Variants in PDCL observed in about 807,000 individuals in gnomAD.
PDCL encodes the protein phosducin like, also known as phosducin-like protein.
A neutral mutation model predicts 26.7 loss-of-function variants in PDCL; 11 were observed. The ratio of observed to expected loss-of-function variants is 0.41; its 90% CI spans 0.26 to 0.68. The LOEUF is 0.68. Ranked by LOEUF, PDCL falls within the 30% of genes least tolerant of loss-of-function variation. The probability of loss-of-function intolerance (pLI) is 0.30; values close to 1 mark genes in which losing one functional copy is unlikely to be tolerated. For synonymous variants in PDCL, 118 were observed against 134.9 expected, an observed-to-expected ratio of 0.87 and a Z score of 0.87; for missense variants, 330 against 371.6, an observed-to-expected ratio of 0.89 and a Z score of 0.92.
In PDCL at chr9:122,820,574, C is replaced by G. The variant is rs375611102; in HGVS notation, c.417G>C (p.Gln139His). 1 of 1,614,024 alleles carries G rather than the reference C, an allele frequency of 6.2e-7. No homozygotes were observed. The highest frequency in any genetic ancestry group is 8.5e-7 in the Non-Finnish European group (1 of 1,179,982). The change falls in exon 4 of 4, where the codon CAG becomes CAC. Residue 139 changes from glutamine (Q) to histidine (H), a missense_variant. By Grantham distance (24) the Gln-to-His change is conservative. Transcript: ENST00000259467. ...EDQDDEEFLQ[Q>H]YRKQRMEEMR... ...TCTCTTCCATTCGCTGCTTCCGGTA[C>G]TGCTGCAGAAACTCTTCATCATCTT...
intron 2 of PDCL, among the ~76,000 whole-genome samples, chr9:122,823,474 C>T (rs1829581206): frequency 6.6e-6 from 1 of 152,188 alleles, no homozygotes; most frequent in Non-Finnish European, 1.5e-5. Context: ...TAGAGTAAAG[C>T]AGCTCTGTGT....
rs1313958825 is a variant in PDCL, at chr9:122,818,592, CTGTT to C, written c.*1489_*1492del. On this transcript the variant is annotated 3_prime_UTR_variant, in exon 4 of 4. Transcript: ENST00000259467. The stretch of plus-strand genomic sequence containing the variant: ...TAGTCAAAAAAAAAAAAAATGCACT[CTGTT>C]TGTTGACTAAATACTTTCAAGACTC... The C allele has an allele frequency of 6.6e-6, 1 of 151,288 alleles. No homozygotes were observed. Among genetic ancestry groups the C allele is most frequent in the East Asian group, 1.9e-4 (1 of 5,170 alleles). 9.4% of individuals were successfully genotyped at this position (151,288 alleles called of 1,614,324 possible).
chr9:122,825,256 G>A (rs962924351), intron 2 of PDCL, among the ~76,000 whole-genome samples: 2 of 151,956 alleles, frequency 1.3e-5, no homozygotes, highest in Admixed American at 6.6e-5. Context: ...CTGCCTCCGG[G>A]GTTCAAGCAA....
chr9:122,820,717 C>T lies in PDCL; in HGVS notation c.355-81G>A, dbSNP rs1367212355. 15 of 1,185,554 alleles carry T rather than the reference C, an allele frequency of 1.3e-5. No individual in the cohort carries two copies. The East Asian group carries it at 3.0e-4, about 24-fold the overall frequency. The allele number at this position is 1,185,554 out of a possible 1,614,324, so 73.4% of individuals were successfully genotyped here. ...AGTTAATATGGGCCGGGCGCGGTGG[C>T]TCACGCCTGTAATCCTAGCACTTTG... On this transcript the variant is annotated intron_variant, in intron 3 of 3. Transcript: ENST00000259467.
In PDCL at chr9:122,820,931, G is replaced by C. The variant is rs367901918; in HGVS notation, c.355-295C>G. ...AAGAATCACTTGAACCTGGGAGGCA[G>C]AGGTTGCAGTTAGCCAAGATCACAC... is the stretch of plus-strand genomic sequence containing the variant. On this transcript the variant is annotated intron_variant, in intron 3 of 3. Coordinates refer to ENST00000259467, the MANE Select transcript of PDCL (RefSeq NM_005388.5). The C allele has an allele frequency of 3.3e-5, 11 of 331,062 alleles. No individual in the cohort carries two copies. The East Asian group carries it at 6.2e-4, about 19-fold the overall frequency. The allele number at this position is 331,062 out of a possible 1,614,324, so 20.5% of individuals were successfully genotyped here. A position where few individuals can be genotyped will look rare whatever the true frequency, so the allele number is the denominator to read the frequency against.
At chr9:122,822,099 A>G (rs1829560946) in intron 3 of PDCL, among the ~76,000 whole-genome samples, 1 of 152,208 alleles carries the variant, frequency 6.6e-6, no homozygotes, top group Non-Finnish European at 1.5e-5. Flanking sequence ...CTCCTGGTCA[A>G]GGTGAATGAT....
Position 122,822,830 on chromosome 9 carries a change from A to C in PDCL, c.354+186T>G, listed in dbSNP as rs1200581984. On this transcript the variant is annotated intron_variant, in intron 3 of 3. Transcript: ENST00000259467. ...GATTCAGAAGGGAAGAGACTCTCCC[A>C]CAGTCACTAGTAGCAGAACTGAGAT... Among the ~76,000 whole-genome samples the C allele has an allele frequency of 8.5e-5, 13 of 152,346 alleles. No homozygotes were observed. The East Asian group carries it at 2.5e-3, about 29-fold the overall frequency.
Position 122,826,609 on chromosome 9 carries a change from T to C in PDCL, c.172+7A>G, listed in dbSNP as rs756711606. On this transcript the variant is annotated splice_region_variant and intron_variant, in intron 2 of 3. Transcript: ENST00000259467. The stretch of plus-strand genomic sequence containing the variant: ...GCCTGTTCCCAGAGCCCAGGGTTTC[T>C]CAGTACCTGTGTTAACTGAGATGCC... 6.2e-7 allele frequency: 1 copy of C among 1,612,212 alleles called. No homozygotes were observed. The highest frequency in any genetic ancestry group is 1.1e-5 in the South Asian group (1 of 90,734).
In PDCL at chr9:122,818,839, G is replaced by A. The variant is rs1391675896; in HGVS notation, c.*1246C>T. The A allele has an allele frequency of 6.6e-6, 1 of 151,910 alleles. No individual in the cohort carries two copies. The highest frequency in any genetic ancestry group is 1.5e-5 in the Non-Finnish European group (1 of 67,956). The allele number at this position is 151,910 out of a possible 1,614,324, so 9.4% of individuals were successfully genotyped here. On this transcript the variant is annotated 3_prime_UTR_variant, in exon 4 of 4. Coordinates refer to ENST00000259467, the MANE Select transcript of PDCL (RefSeq NM_005388.5). ...ACAAAAGGGATTAATTTTGGTTGGT[G>A]GAATTATATGGCTTTTAAGTCTTAA...
intron 3 of PDCL, 186 bp from the exon 4 acceptor site, chr9:122,820,822 TAAAAAA>T (rs5900544): frequency 1.0e-4 from 31 of 306,068 alleles, no homozygotes; most frequent in Admixed American, 4.3e-4. Context: ...CATCTCTCCT[TAAAAAA>T]AAAAAAAAAA....
chr9:122,820,705 C>T (rs576781319), intron 3 of PDCL, 69 bp from the exon 4 acceptor site: 21 of 1,359,188 alleles, frequency 1.5e-5, no homozygotes, highest in East Asian at 9.6e-5. Context: ...TAATATGGGC[C>T]GGGCGCGGTG....
In PDCL at chr9:122,818,140, T is replaced by C. The variant is rs192115513; in HGVS notation, c.*1945A>G. On this transcript the variant is annotated 3_prime_UTR_variant, in exon 4 of 4. Coordinates refer to ENST00000259467, the MANE Select transcript of PDCL (RefSeq NM_005388.5). ...AAAATTAGCCAGGCGTGATGGCATG[T>C]GCCTGTAGTCCCAGCTACTCAGGAG... Among the ~76,000 whole-genome samples, 1 of 152,198 alleles carries C rather than the reference T, an allele frequency of 6.6e-6. No homozygotes were observed. Among genetic ancestry groups the C allele is most frequent in the East Asian group, 1.9e-4 (1 of 5,166 alleles).
At chr9:122,825,118 T>G (rs181006979) in intron 2 of PDCL, among the ~76,000 whole-genome samples, 6 of 151,826 alleles carry the variant, frequency 4.0e-5, no homozygotes, top group Admixed American at 3.9e-4. Context: ...AATATTTAAG[T>G]GTAAAAAATG....
chr9:122,826,498 A>T, intron 2 of PDCL, 118 bp downstream of exon 2: 1 of 865,980 alleles, frequency 1.2e-6, no homozygotes, highest in Non-Finnish European at 1.7e-6. Context: ...GTTACCTCTG[A>T]AAGTGGGACC....
rs2131362640 is a variant in PDCL at position 122,823,163 on chromosome 9, G to A, written c.207C>T (p.Phe69=). Residue 69 remains phenylalanine, a synonymous_variant, in exon 3 of 4, where the codon TTC becomes TTT. Transcript: ENST00000259467. ...PKGVINDWRR[F]KQLETEQREE... ...CCCTCTGCTCTGTCTCCAACTGCTT[G>A]AAGCGGCGCCAGTCATTGATCACAC... is the stretch of plus-strand genomic sequence containing the variant. 2 of 1,614,080 alleles carry A rather than the reference G, an allele frequency of 1.2e-6. No homozygotes were observed. The highest frequency in any genetic ancestry group is 1.1e-5 in the South Asian group (1 of 91,080).
At chr9:122,828,278 T>C (rs1165003361) in intron 1 of PDCL, among the ~76,000 whole-genome samples, 193 bp downstream of exon 1, 1 of 146,160 alleles carries the variant, frequency 6.8e-6, no homozygotes, top group African/African-American at 2.6e-5. Flanking sequence ...GAGGGGTGTG[T>C]GGAGCTTTTG....
rs1476196988 is a variant in PDCL, at chr9:122,818,565, C to CAAG, written c.*1519_*1520insCTT. 10 of 149,808 alleles carry CAAG rather than the reference C, an allele frequency of 6.7e-5. No individual in the cohort carries two copies. Among genetic ancestry groups the CAAG allele is most frequent in the African/African-American group, 2.2e-4 (9 of 40,654 alleles). The allele number at this position is 149,808 out of a possible 1,614,324, so 9.3% of individuals were successfully genotyped here. A position where few individuals can be genotyped will look rare whatever the true frequency, so the allele number is the denominator to read the frequency against. The stretch of plus-strand genomic sequence containing the variant: ...CACCCTTTCTACTACAACGAGCTTT[C>CAAG]TTAGTCAAAAAAAAAAAAAATGCAC... On this transcript the variant is annotated 3_prime_UTR_variant, in exon 4 of 4. Transcript: ENST00000259467.
At chr9:122,828,270 G>A (rs551293250) in intron 1 of PDCL, among the ~76,000 whole-genome samples, 30 of 152,158 alleles carry the variant, frequency 2.0e-4, no homozygotes, top group Admixed American at 5.2e-4. Flanking sequence ...GGGAAGCAGA[G>A]GGGTGTGTGG....
In PDCL at chr9:122,821,876, A is replaced by C. The variant is rs74694690; in HGVS notation, c.354+1140T>G. Among the ~76,000 whole-genome samples, 748 of 152,174 alleles carry C rather than the reference A, an allele frequency of 4.9e-3. 3 individuals are homozygous for C. The highest frequency in any genetic ancestry group is 9.0e-3 in the Non-Finnish European group (611 of 68,006). ...CCTCTCATAAAACCTAACTCTGCCT[A>C]ATGTTGCATAGATTAGGGAACAGGG... is the stretch of plus-strand genomic sequence containing the variant. On this transcript the variant is annotated intron_variant, in intron 3 of 3. Coordinates refer to ENST00000259467, the MANE Select transcript of PDCL (RefSeq NM_005388.5).
Sources: allele counts gnomAD v4.1 joint callset (sites outside exome capture counted in the v4.1 genomes callset), GRCh38; gene constraint gnomAD v4.1.1; transcripts MANE v1.5; gene names NCBI Gene and HGNC (gene_info 2026-07-23, HGNC 2026-07-21).